Variants in DPP10 observed in about 807,000 individuals in gnomAD.
DPP10 encodes inactive dipeptidyl peptidase 10.
DPP10 carries 33 observed loss-of-function variants against 120.9 expected under a neutral mutation model. That is an observed-to-expected ratio of 0.27 (90% confidence interval 0.21 to 0.37). DPP10 has a LOEUF of 0.37. Ranked by LOEUF, DPP10 falls within the 10% of genes least tolerant of loss-of-function variation. The probability of loss-of-function intolerance (pLI) is 1.00; values close to 1 mark genes in which losing one functional copy is unlikely to be tolerated. For missense variants in DPP10, 816 were observed against 942.8 expected (o/e 0.87, Z 1.76); for synonymous variants, 337 against 326.1 (o/e 1.03, Z -0.36).
chr2:115,062,128 CTGTGTGTGTGTG>C (rs61413782), intron 1 of DPP10, among the ~76,000 whole-genome samples: 21,176 of 143,896 alleles, frequency 0.15, 1,563 homozygotes, highest in African/African-American at 0.21. Context: ...GATTACAGTT[CTGTGTGTGTGTG>C]TGTGTGTGTG....
chr2:114,714,058 A>G (rs1701199798), intron 1 of DPP10, among the ~76,000 whole-genome samples: 1 of 139,614 alleles, frequency 7.2e-6, no homozygotes. Flanking sequence ...TGTGTTCCTG[A>G]GTGGATTTGT....
At chr2:114,795,501 A>C (rs905625223) in intron 1 of DPP10, among the ~76,000 whole-genome samples, 1 of 151,968 alleles carries the variant, frequency 6.6e-6, no homozygotes, top group Non-Finnish European at 1.5e-5. Flanking sequence ...CTGGGGAAAA[A>C]AAAAAAAAGG....
intron 19 of DPP10, among the ~76,000 whole-genome samples, chr2:115,799,179 G>C (rs1244499333): frequency 6.6e-6 from 1 of 151,940 alleles, no homozygotes; most frequent in East Asian, 1.9e-4. Flanking sequence ...GAAAGGCTGT[G>C]TCTGCGCCAC....
intron 1 of DPP10, among the ~76,000 whole-genome samples, chr2:114,969,558 G>C (rs1699257732): frequency 6.6e-6 from 1 of 152,140 alleles, no homozygotes; most frequent in Admixed American, 6.5e-5. Flanking sequence ...ATACTTCCAA[G>C]GATAATCTGC....
At chr2:115,172,363 G>T (rs1388404891) in intron 1 of DPP10, among the ~76,000 whole-genome samples, 2 of 148,708 alleles carry the variant, frequency 1.3e-5, no homozygotes, top group African/African-American at 5.0e-5. Context: ...TAGCCTGGGC[G>T]ACAGAGTGAG....
rs1689546117 is a variant in DPP10 at position 115,836,514 on chromosome 2, T to A, written c.2058T>A (p.Ala686=). 6.2e-7 allele frequency: 1 copy of A among 1,613,494 alleles called. No individual in the cohort carries two copies. Among genetic ancestry groups the A allele is most frequent in the Non-Finnish European group, 8.5e-7 (1 of 1,179,788 alleles). Residue 686 remains alanine, a synonymous_variant, in exon 23 of 26, where the codon GCT becomes GCA. Coordinates refer to ENST00000410059, the MANE Select transcript of DPP10 (RefSeq NM_020868.6). ...PITDLKLYAS[A]FSERYLGMPS... ...TGTTTTCTTGGGTCACAGCCTCAGC[T>A]TTCTCTGAAAGATACCTTGGGATGC...
chr2:115,576,112 A>G (rs6756114), intron 5 of DPP10, among the ~76,000 whole-genome samples: 72,045 of 152,118 alleles, frequency 0.47, 20,965 homozygotes, highest in Non-Finnish European at 0.66. Flanking sequence ...ATACATTTGT[A>G]TTGTTTGAAG....
At chr2:114,722,504 C>T (rs558672784) in intron 1 of DPP10, among the ~76,000 whole-genome samples, 47 of 152,052 alleles carry the variant, frequency 3.1e-4, no homozygotes, top group African/African-American at 1.0e-3. Flanking sequence ...CAGTCGGGCG[C>T]GGTGGCTCAC....
intron 14 of DPP10, 52 bp from the exon 15 acceptor site, chr2:115,777,735 C>T: frequency 6.3e-7 from 1 of 1,586,584 alleles, no homozygotes; most frequent in Non-Finnish European, 8.6e-7. Flanking sequence ...ATTCACAGAT[C>T]ACAAAAAATA....
At chr2:114,548,249 T>C (rs72951866) in intron 1 of DPP10, among the ~76,000 whole-genome samples, 4,839 of 152,256 alleles carry the variant, frequency 0.032, 272 homozygotes, top group East Asian at 0.24. Flanking sequence ...GGTAGTGGGA[T>C]TGGAAGAGTA....
chr2:115,471,776 T>TG (rs1234925349), intron 3 of DPP10, among the ~76,000 whole-genome samples: 1 of 30,130 alleles, frequency 3.3e-5, no homozygotes, highest in Non-Finnish European at 8.0e-5. Flanking sequence ...TGTCTGTTTT[T>TG]GTTTGTTGTT....
intron 1 of DPP10, among the ~76,000 whole-genome samples, chr2:114,732,938 A>G (rs1310039351): frequency 1.3e-5 from 2 of 152,180 alleles, no homozygotes; most frequent in African/African-American, 4.8e-5. Context: ...TAGAGCTGAG[A>G]TAGAAACTCT....
At chr2:115,065,324 C>T (rs72949706) in intron 1 of DPP10, among the ~76,000 whole-genome samples, 24,805 of 152,014 alleles carry the variant, frequency 0.16, 2,298 homozygotes, top group African/African-American at 0.27. Flanking sequence ...CACTGCTTAA[C>T]ATAAACTGGG....
chr2:114,864,463 T>G (rs1690063895), intron 1 of DPP10, among the ~76,000 whole-genome samples: 1 of 152,178 alleles, frequency 6.6e-6, no homozygotes, highest in African/African-American at 2.4e-5. Context: ...ATCAAGAGAA[T>G]GCACCTAGTC....
chr2:114,823,758 T>A (rs547864402), intron 1 of DPP10, among the ~76,000 whole-genome samples: 1 of 152,270 alleles, frequency 6.6e-6, no homozygotes, highest in Admixed American at 6.5e-5. Flanking sequence ...GACTACCCAG[T>A]AGGAGCTACT....
intron 3 of DPP10, among the ~76,000 whole-genome samples, chr2:115,385,174 C>G (rs2106508433): frequency 6.6e-6 from 1 of 152,176 alleles, no homozygotes; most frequent in South Asian, 2.1e-4. Flanking sequence ...CAGTCACTTT[C>G]TCCATTTTCT....
intron 1 of DPP10, among the ~76,000 whole-genome samples, chr2:115,061,220 A>G (rs927508213): frequency 6.6e-6 from 1 of 152,218 alleles, no homozygotes; most frequent in African/African-American, 2.4e-5. Flanking sequence ...CTATTTATGC[A>G]CTTGTTTAAG....
At chr2:114,761,899 G>A (rs1029128932) in intron 1 of DPP10, among the ~76,000 whole-genome samples, 1 of 152,126 alleles carries the variant, frequency 6.6e-6, no homozygotes, top group African/African-American at 2.4e-5. Flanking sequence ...TTTACCTAAT[G>A]TAACTTGTTT....
rs1349394101 is a variant in DPP10 at position 115,777,832 on chromosome 2, C to T, written c.1359C>T (p.Tyr453=). 1 of 1,613,202 alleles carries T rather than the reference C, an allele frequency of 6.2e-7. No homozygotes were observed. Among genetic ancestry groups the T allele is most frequent in the Non-Finnish European group, 8.5e-7 (1 of 1,179,394 alleles). ...TESSPRGRQL[Y]SASTEGLLNR... ...CTTCTCCCAGAGGAAGGCAGCTGTACAGGTAAGCAGTGTGCAAGGATCTCC... is the reference window on the plus strand; with the variant it reads ...CTTCTCCCAGAGGAAGGCAGCTGTATAGGTAAGCAGTGTGCAAGGATCTCC... The change falls in exon 15 of 26, where the codon TAC becomes TAT. Residue 453 remains tyrosine (Y), a splice_region_variant and synonymous_variant. Coordinates refer to ENST00000410059, the MANE Select transcript of DPP10 (RefSeq NM_020868.6).
Sources: allele counts gnomAD v4.1 joint callset (sites outside exome capture counted in the v4.1 genomes callset), GRCh38; gene constraint gnomAD v4.1.1; transcripts MANE v1.5; gene names NCBI Gene and HGNC (gene_info 2026-07-23, HGNC 2026-07-21).